ASCC2: variants seen among roughly 807,000 people sequenced by gnomAD.
The protein encoded by ASCC2 is ASC-1 complex subunit P100.
Under a neutral mutation model 93.5 loss-of-function variants are expected in ASCC2, and 42 were observed. That is an observed-to-expected ratio of 0.45 (90% confidence interval 0.35 to 0.58). The LOEUF is 0.58. Among genes scored for constraint, ASCC2 ranks in the 20% least tolerant of loss-of-function variants. ASCC2 has a pLI of 0.00. For missense variants in ASCC2, 859 were observed against 977.6 expected (o/e 0.88, Z 1.62); for synonymous variants, 364 against 384.2 (o/e 0.95, Z 0.62).
At chr22:29,822,681 C>A (rs1337625618) in intron 4 of ASCC2, among the ~76,000 whole-genome samples, 1 of 148,250 alleles carries the variant, frequency 6.7e-6, no homozygotes, top group Non-Finnish European at 1.5e-5. Flanking sequence ...GACTAAACAT[C>A]CCCATGACTT....
intron 2 of ASCC2, among the ~76,000 whole-genome samples, chr22:29,827,757 GACACACACACACAC>G (rs35763537): frequency 9.9e-5 from 10 of 100,934 alleles, no homozygotes; most frequent in African/African-American, 1.6e-4. Flanking sequence ...TCATTCTCCC[GACACACACACACAC>G]ACACACACAC....
intron 8 of ASCC2, among the ~76,000 whole-genome samples, chr22:29,811,279 G>A (rs1194114650): frequency 6.6e-6 from 1 of 152,122 alleles, no homozygotes; most frequent in Non-Finnish European, 1.5e-5. Context: ...GCTCATATGT[G>A]CATATATTCT....
At chr22:29,793,809 A>T in intron 15 of ASCC2, 133 bp from the exon 16 acceptor site, 32 of 728,336 alleles carry the variant, frequency 4.4e-5, no homozygotes, top group East Asian at 7.4e-5. Flanking sequence ...GAAATCAAGC[A>T]TTGGTGAGGG....
chr22:29,808,594 G>A (rs2059943418), intron 8 of ASCC2, among the ~76,000 whole-genome samples: 1 of 152,124 alleles, frequency 6.6e-6, no homozygotes, highest in Non-Finnish European at 1.5e-5. Context: ...GCTGAGGCAG[G>A]AAGATTGCTT....
intron 8 of ASCC2, among the ~76,000 whole-genome samples, chr22:29,812,326 C>G (rs543082288): frequency 1.6e-4 from 24 of 152,182 alleles, no homozygotes; most frequent in Non-Finnish European, 1.9e-4. Context: ...CCAGGCAATA[C>G]GCAGGTTGCC....
At chr22:29,801,406 C>T (rs1011151286) in intron 14 of ASCC2, among the ~76,000 whole-genome samples, 4 of 152,228 alleles carry the variant, frequency 2.6e-5, no homozygotes, top group Non-Finnish European at 5.9e-5. Flanking sequence ...TCGTAATAGT[C>T]GCATAAGATC....
At chr22:29,795,689 G>A (rs1359108073) in intron 15 of ASCC2, among the ~76,000 whole-genome samples, 1 of 152,168 alleles carries the variant, frequency 6.6e-6, no homozygotes, top group African/African-American at 2.4e-5. Context: ...TGCATTGGGT[G>A]GGAGAAGGAA....
chr22:29,830,393 T>C (rs536311375), intron 2 of ASCC2, among the ~76,000 whole-genome samples: 1 of 152,300 alleles, frequency 6.6e-6, no homozygotes, highest in Admixed American at 6.5e-5. Context: ...TCAAGTGACT[T>C]GTGGTTAGTG....
In ASCC2 at chr22:29,788,847, T is replaced by G; in HGVS notation, c.*166A>C. 1 of 795,940 alleles carries G rather than the reference T, an allele frequency of 1.3e-6. No individual in the cohort carries two copies. Among genetic ancestry groups the G allele is most frequent in the South Asian group, 1.7e-5 (1 of 58,478 alleles). The allele number at this position is 795,940 out of a possible 1,614,324, so 49.3% of individuals were successfully genotyped here. A position where few individuals can be genotyped will look rare whatever the true frequency, so the allele number is the denominator to read the frequency against. ...CACTGTGTGTTCTGCAGGAAGGCGC[T>G]CATGGCTGGCTGGTAGATGAGAGGC... On this transcript the variant is annotated 3_prime_UTR_variant, in exon 20 of 20. Coordinates refer to ENST00000307790, the MANE Select transcript of ASCC2 (RefSeq NM_032204.5).
At chr22:29,835,656 G>A (rs2063687926) in intron 1 of ASCC2, among the ~76,000 whole-genome samples, 1 of 152,278 alleles carries the variant, frequency 6.6e-6, no homozygotes, top group South Asian at 2.1e-4. Context: ...TCGTAGGGTT[G>A]CTATGAGAAG....
intron 5 of ASCC2, among the ~76,000 whole-genome samples, chr22:29,819,321 C>T (rs1024592749): frequency 1.3e-5 from 2 of 152,070 alleles, no homozygotes; most frequent in African/African-American, 2.4e-5. Flanking sequence ...CCACCATGCC[C>T]GGCAAATTTT....
At chr22:29,790,187 G>A (rs1030749436) in intron 19 of ASCC2, among the ~76,000 whole-genome samples, 2 of 152,194 alleles carry the variant, frequency 1.3e-5, no homozygotes, top group African/African-American at 4.8e-5. Flanking sequence ...ACCAAGTAAT[G>A]GTTATGAGTG....
At position 29,806,507 on chromosome 22, in the gene ASCC2, T is replaced by C. The variant is rs1382914795; in HGVS notation, c.1063A>G (p.Ser355Gly). 10 of 1,613,982 alleles carry C rather than the reference T, an allele frequency of 6.2e-6. No individual in the cohort carries two copies. Among genetic ancestry groups the C allele is most frequent in the Non-Finnish European group, 8.5e-6 (10 of 1,179,940 alleles). The part of the protein sequence containing the change: ...GFIEEFLQIF[S>G]SLLQEKRFLR... ...CACCTCTTCTCCTGCAGCAAGGAGCTGAAGATCTGAAGGAACTCTTCGATG... is the reference window on the plus strand; with the variant it reads ...CACCTCTTCTCCTGCAGCAAGGAGCCGAAGATCTGAAGGAACTCTTCGATG... The change falls in exon 11 of 20, where the codon AGC (serine) becomes GGC (glycine). Residue 355 changes from serine to glycine, a missense_variant. Coordinates refer to ENST00000307790, the MANE Select transcript of ASCC2 (RefSeq NM_032204.5).
chr22:29,816,803 G>C (rs1229862803), intron 5 of ASCC2: 2 of 144,712 alleles, frequency 1.4e-5, no homozygotes, highest in African/African-American at 5.0e-5. Flanking sequence ...GAGAGAGGGA[G>C]AGAGGGAGAG....
chr22:29,790,958 G>A (rs2057664151), intron 18 of ASCC2, among the ~76,000 whole-genome samples: 1 of 152,200 alleles, frequency 6.6e-6, no homozygotes, highest in Non-Finnish European at 1.5e-5. Flanking sequence ...AGGCCTCACT[G>A]TGGCACCACT....
At chr22:29,798,972 G>C (rs927017045) in intron 15 of ASCC2, among the ~76,000 whole-genome samples, 11 of 152,386 alleles carry the variant, frequency 7.2e-5, no homozygotes, top group Admixed American at 2.6e-4. Context: ...AGCCCAGAGG[G>C]CCCCAGGAAC....
chr22:29,830,688 T>G lies in ASCC2; in HGVS notation c.81+1557A>C, dbSNP rs6006273. Among the ~76,000 whole-genome samples the G allele has an allele frequency of 1.0e-3, 158 of 152,338 alleles. 1 individual carries two copies. The highest frequency in any genetic ancestry group is 3.7e-3 in the African/African-American group (154 of 41,574). ...ACAACCCTGATCACACTAGAGAAGCTACTGGTCTGTCTTTCTCTTAGGTCG... is the reference window on the plus strand; with the variant it reads ...ACAACCCTGATCACACTAGAGAAGCGACTGGTCTGTCTTTCTCTTAGGTCG... On this transcript the variant is annotated intron_variant, in intron 2 of 19. Coordinates refer to ENST00000307790, the MANE Select transcript of ASCC2 (RefSeq NM_032204.5).
rs1193311292 is a variant in ASCC2 at position 29,806,786 on chromosome 22, T to C, written c.1016+11A>G. 4.4e-6 allele frequency: 7 copies of C among 1,601,672 alleles called. No individual in the cohort carries two copies. The highest frequency in any genetic ancestry group is 6.0e-6 in the Non-Finnish European group (7 of 1,168,888). On this transcript the variant is annotated intron_variant, in intron 10 of 19. Transcript: ENST00000307790. The stretch of plus-strand genomic sequence containing the variant: ...GACTCTTCCACCAGGAGGCAATTCG[T>C]GAGGGCTTACCTGCTTTCTAGGATG...
In ASCC2 at chr22:29,838,228, G is replaced by GCCGCCGCC. The variant is rs1555885984; in HGVS notation, c.-69_-68insGGCGGCGG. ...TGCCGCCGCCGCCGCCGCCGCCGCCGACCACGGTGACAGCTCCCTGAGCGC... is the reference window on the plus strand; with the variant it reads ...TGCCGCCGCCGCCGCCGCCGCCGCCGCCGCCGCCACCACGGTGACAGCTCCCTGAGCGC... On this transcript the variant is annotated 5_prime_UTR_variant, in exon 1 of 20. Transcript: ENST00000307790. 16 of 465,532 alleles carry GCCGCCGCC rather than the reference G, an allele frequency of 3.4e-5. No homozygotes were observed. The highest frequency in any genetic ancestry group is 1.8e-4 in the South Asian group (12 of 65,308). The allele number at this position is 465,532 out of a possible 1,614,324, so 28.8% of individuals were successfully genotyped here.
Sources: allele counts gnomAD v4.1 joint callset (sites outside exome capture counted in the v4.1 genomes callset), GRCh38; gene constraint gnomAD v4.1.1; transcripts MANE v1.5; gene names NCBI Gene and HGNC (gene_info 2026-07-23, HGNC 2026-07-21).